Variants in ADAMTS16 observed in about 807,000 individuals in gnomAD.
ADAMTS16 encodes A disintegrin and metalloproteinase with thrombospondin motifs 16.
ADAMTS16 carries 94 observed loss-of-function variants against 145.8 expected under a neutral mutation model. The observed-to-expected ratio is 0.64, with a 90% CI of 0.55 to 0.77. The LOEUF (loss-of-function observed/expected upper bound fraction) is 0.77. Ranked by LOEUF, ADAMTS16 falls within the 30% of genes least tolerant of loss-of-function variation. The pLI is 0.00. For missense variants in ADAMTS16, 1,585 were observed against 1,591.5 expected (o/e 1.00, Z 0.07); for synonymous variants, 659 against 604.3 (o/e 1.09, Z -1.33).
intron 3 of ADAMTS16, among the ~76,000 whole-genome samples, chr5:5,152,630 A>C (rs1734505207): frequency 6.6e-6 from 1 of 152,236 alleles, no homozygotes; most frequent in Non-Finnish European, 1.5e-5. Flanking sequence ...TTGGCTACAC[A>C]TGCCTGGAGA....
chr5:5,198,456 C>T (rs2126588184), intron 8 of ADAMTS16, among the ~76,000 whole-genome samples: 1 of 152,232 alleles, frequency 6.6e-6, no homozygotes, highest in African/African-American at 2.4e-5. Context: ...TGGATACCGC[C>T]TTCAATCACG....
intron 17 of ADAMTS16, among the ~76,000 whole-genome samples, chr5:5,248,050 C>CT (rs2126403343): frequency 6.6e-6 from 1 of 152,376 alleles, no homozygotes; most frequent in African/African-American, 2.4e-5. Flanking sequence ...ATATCTAGCA[C>CT]ATGTGATAGA....
intron 9 of ADAMTS16, among the ~76,000 whole-genome samples, chr5:5,201,292 A>G (rs1735948107): frequency 6.6e-6 from 1 of 152,194 alleles, no homozygotes; most frequent in Admixed American, 6.6e-5. Context: ...TGCTCAGGTG[A>G]CAGAGAGCCA....
intron 3 of ADAMTS16, among the ~76,000 whole-genome samples, chr5:5,179,335 C>T (rs1434317134): frequency 1.3e-5 from 2 of 151,944 alleles, no homozygotes; most frequent in East Asian, 1.9e-4. Flanking sequence ...AGCCAATCAT[C>T]TTCTGAGGGG....
intron 11 of ADAMTS16, among the ~76,000 whole-genome samples, chr5:5,226,454 C>T (rs1231028492): frequency 2.6e-5 from 4 of 152,156 alleles, no homozygotes; most frequent in Non-Finnish European, 5.9e-5. Flanking sequence ...TACCTCCTAC[C>T]AGGTCCCTCC....
intron 21 of ADAMTS16, among the ~76,000 whole-genome samples, chr5:5,308,811 G>T (rs1740296320): frequency 6.6e-6 from 1 of 152,074 alleles, no homozygotes; most frequent in Non-Finnish European, 1.5e-5. Context: ...TTAACCGGGT[G>T]TGGTGGTGCA....
At chr5:5,251,745 A>C (rs770665969) in intron 17 of ADAMTS16, among the ~76,000 whole-genome samples, 1 of 152,250 alleles carries the variant, frequency 6.6e-6, no homozygotes, top group African/African-American at 2.4e-5. Context: ...GTAGGACCCC[A>C]GGCCAGCAGA....
chr5:5,285,747 G>A (rs1202374193), intron 18 of ADAMTS16, among the ~76,000 whole-genome samples: 1 of 152,214 alleles, frequency 6.6e-6, no homozygotes, highest in African/African-American at 2.4e-5. Context: ...TTAAGACAAT[G>A]AGATTTTTCA....
chr5:5,311,549 T>A (rs1391735657), intron 21 of ADAMTS16, among the ~76,000 whole-genome samples: 1 of 22,444 alleles, frequency 4.5e-5, no homozygotes, highest in African/African-American at 2.5e-4. Flanking sequence ...GTCTGCTCCT[T>A]TTTTTTTTTT....
At chr5:5,177,038 C>A (rs895444045) in intron 3 of ADAMTS16, among the ~76,000 whole-genome samples, 5 of 152,214 alleles carry the variant, frequency 3.3e-5, no homozygotes, top group Non-Finnish European at 7.3e-5. Context: ...TCCTGCTTCT[C>A]CTTCGTCCAG....
intron 8 of ADAMTS16, among the ~76,000 whole-genome samples, chr5:5,196,254 A>AG (rs1232991193): frequency 9.9e-5 from 15 of 151,204 alleles, no homozygotes; most frequent in Admixed American, 6.6e-5. Flanking sequence ...AAAAAAAAAA[A>AG]AAGCAGCATT....
intron 20 of ADAMTS16, 167 bp downstream of exon 20, chr5:5,303,933 T>G (rs1739909712): frequency 1.3e-6 from 1 of 757,344 alleles, no homozygotes; most frequent in Admixed American, 2.9e-5. Flanking sequence ...TTGCTTAATC[T>G]CCTTTGGCTT....
At chr5:5,141,621 T>C (rs1734171740) in intron 2 of ADAMTS16, among the ~76,000 whole-genome samples, 1 of 152,234 alleles carries the variant, frequency 6.6e-6, no homozygotes, top group Non-Finnish European at 1.5e-5. Context: ...TAATTGACTT[T>C]TATAGGAAGA....
chr5:5,231,786 G>C (rs146686133), intron 11 of ADAMTS16, among the ~76,000 whole-genome samples: 2 of 152,196 alleles, frequency 1.3e-5, no homozygotes, highest in Non-Finnish European at 2.9e-5. Flanking sequence ...TCCAGCCTTC[G>C]TGGGGACAGA....
rs1734220707 is a variant in ADAMTS16, at chr5:5,319,946, G to C, written c.*808G>C. 2 of 454,676 alleles carry C rather than the reference G, an allele frequency of 4.4e-6. No individual in the cohort carries two copies. The highest frequency in any genetic ancestry group is 8.8e-6 in the Non-Finnish European group (2 of 226,782). 28.2% of individuals were successfully genotyped at this position (454,676 alleles called of 1,614,324 possible). On this transcript the variant is annotated 3_prime_UTR_variant, in exon 23 of 23. Coordinates refer to ENST00000274181, the MANE Select transcript of ADAMTS16 (RefSeq NM_139056.4). ...TTCATGCTTTTCTTTGTAAATGACAGATCGAAGTATAGGTTACATCAAAAC... is the reference window on the plus strand; with the variant it reads ...TTCATGCTTTTCTTTGTAAATGACACATCGAAGTATAGGTTACATCAAAAC...
At chr5:5,172,413 C>T (rs557663965) in intron 3 of ADAMTS16, among the ~76,000 whole-genome samples, 2 of 151,858 alleles carry the variant, frequency 1.3e-5, no homozygotes, top group African/African-American at 4.8e-5. Context: ...TATGCTTTTG[C>T]CTTATCCCAT....
chr5:5,196,765 A>G (rs1286848610), intron 8 of ADAMTS16, among the ~76,000 whole-genome samples: 1 of 152,166 alleles, frequency 6.6e-6, no homozygotes, highest in Non-Finnish European at 1.5e-5. Context: ...TTCCTTTCTG[A>G]TGTGCACAGT....
chr5:5,305,144 CCACACCACACACACACA>C (rs1740027356), intron 20 of ADAMTS16, among the ~76,000 whole-genome samples: 1 of 78,486 alleles, frequency 1.3e-5, no homozygotes, highest in Non-Finnish European at 2.7e-5. Flanking sequence ...CACACACATC[CCACACCACACACACACA>C]CATATCCCAC....
chr5:5,183,528 A>G (rs1318365312), intron 4 of ADAMTS16, among the ~76,000 whole-genome samples: 1 of 152,200 alleles, frequency 6.6e-6, no homozygotes, highest in Non-Finnish European at 1.5e-5. Context: ...AGCAGGAGAG[A>G]TAGCAGGGCC....
Sources: allele counts gnomAD v4.1 joint callset (sites outside exome capture counted in the v4.1 genomes callset), GRCh38; gene constraint gnomAD v4.1.1; transcripts MANE v1.5; gene names NCBI Gene and HGNC (gene_info 2026-07-23, HGNC 2026-07-21).